The following ABL1 variants were observed in gnomAD, a reference collection of about 807,000 sequenced individuals.
ABL1 encodes the protein ABL proto-oncogene 1, non-receptor tyrosine kinase.
A neutral mutation model predicts 94.7 loss-of-function variants in ABL1; 11 were observed. The ratio of observed to expected loss-of-function variants is 0.12; its 90% confidence interval spans 0.07 to 0.19. The LOEUF (loss-of-function observed/expected upper bound fraction) is 0.19, where lower values mean the gene tolerates loss of function less well. Among genes scored for constraint, ABL1 ranks in the 10% least tolerant of loss-of-function variants. The pLI is 1.00. For synonymous variants in ABL1, 656 were observed against 622.4 expected, an observed-to-expected ratio of 1.05 and a Z score of -0.80; for missense variants, 1,082 against 1,489.4, an observed-to-expected ratio of 0.73 and a Z score of 4.50.
intron 1 of ABL1, among the ~76,000 whole-genome samples, chr9:130,758,484 A>C (rs996965518): frequency 4.2e-5 from 6 of 143,532 alleles, no homozygotes; most frequent in African/African-American, 1.6e-4. Context: ...TCAGGCTGGA[A>C]TGCAGTGGCG....
At chr9:130,714,632 T>C (rs929878705) in intron 1 of ABL1, 2 of 822,834 alleles carry the variant, frequency 2.4e-6, no homozygotes, top group Non-Finnish European at 4.1e-6. Flanking sequence ...ACTTCGTGAC[T>C]TCGGCTTTAT....
chr9:130,838,674 C>T (rs976172274), intron 1 of ABL1, among the ~76,000 whole-genome samples: 4 of 152,182 alleles, frequency 2.6e-5, no homozygotes, highest in East Asian at 1.9e-4. Context: ...TTGCAATATT[C>T]GGTCTACTTT....
chr9:130,738,803 C>T (rs1311562268), intron 1 of ABL1, among the ~76,000 whole-genome samples: 5 of 152,188 alleles, frequency 3.3e-5, no homozygotes, highest in Non-Finnish European at 4.4e-5. Context: ...TAGTTATTCC[C>T]TCCCCATTCA....
upstream of ABL1, chr9:130,834,972 C>T (rs1830540455): frequency 1.1e-5 from 5 of 452,870 alleles, no homozygotes; most frequent in Non-Finnish European, 2.2e-5. Flanking sequence ...GAGTTGCGCG[C>T]GGCTTCTAAA....
rs1831545301 is a variant in ABL1, at chr9:130,885,024, G to A, written c.2734G>A (p.Gly912Arg). 1.2e-6 allele frequency: 2 copies of A among 1,611,566 alleles called. No individual in the cohort carries two copies. The highest frequency in any genetic ancestry group is 1.7e-6 in the Non-Finnish European group (2 of 1,179,446). ...AGCAGCCTCTGCAGGGAAGGCTGGA[G>A]GAAAGCCCTCGCAGAGCCCGAGCCA... is the stretch of plus-strand genomic sequence containing the variant. ...PPAASAGKAG[G>R]KPSQSPSQEA... Residue 912 changes from glycine (G) to arginine (R), a missense_variant, in exon 11 of 11, where the codon GGA becomes AGA. Physicochemically the swap from Gly to Arg is moderately radical, Grantham distance 125 (BLOSUM62 -2). This residue lies in a region of ABL1 where 780 missense variants were observed against 835.8 expected (regional missense o/e 0.93). Transcript: ENST00000318560.
upstream of ABL1, chr9:130,834,171 A>G (rs1257790733): frequency 2.2e-6 from 1 of 445,058 alleles, no homozygotes; most frequent in East Asian, 7.1e-5. Flanking sequence ...ATCATTACGC[A>G]GATGCAATAC....
At chr9:130,765,647 T>C (rs1284593621) in intron 1 of ABL1, among the ~76,000 whole-genome samples, 1 of 152,224 alleles carries the variant, frequency 6.6e-6, no homozygotes, top group Non-Finnish European at 1.5e-5. Context: ...TCAGTATTCA[T>C]TTCTCTTATA....
At position 130,859,898 on chromosome 9, in the gene ABL1, T is replaced by C. The variant is rs576232761; in HGVS notation, c.550-2865T>C. ...GTTTCACCATGTTGGCCAGGCTGGT[T>C]TCGAACGCCTGACCTCGTGATCTGC... is the stretch of plus-strand genomic sequence containing the variant. On this transcript the variant is annotated intron_variant, in intron 3 of 10. Transcript: ENST00000318560. 2.2e-3 allele frequency among the ~76,000 whole-genome samples: 336 copies of C among 151,836 alleles called. 3 individuals are homozygous for C. Among genetic ancestry groups the C allele is most frequent in the South Asian group, 9.6e-3 (46 of 4,788 alleles).
At chr9:130,836,824 CA>C (rs565723193) in intron 1 of ABL1, among the ~76,000 whole-genome samples, 2,611 of 77,172 alleles carry the variant, frequency 0.034, 35 homozygotes, top group African/African-American at 0.08. Flanking sequence ...GACTCGGTCT[CA>C]AAAAAAAAAA....
rs1830562759 is a variant in ABL1 at position 130,835,630 on chromosome 9, C to T, written c.79+105C>T. On this transcript the variant is annotated intron_variant, in intron 1 of 10. Transcript: ENST00000318560. This position sits in a 1 kb window ranked among gnomAD's most constrained non-coding sequence, Gnocchi z 4.6. ...CCGCGCGCTCCCGCCTGCGCCCTCC[C>T]CGGGTCTTGTCTTTTTTTTCTTTCT... 3.7e-6 allele frequency: 3 copies of T among 820,280 alleles called. No individual in the cohort carries two copies. The allele number at this position is 820,280 out of a possible 1,614,324, so 50.8% of individuals were successfully genotyped here.
intron 1 of ABL1, among the ~76,000 whole-genome samples, chr9:130,845,614 T>A (rs1830755747): frequency 6.6e-6 from 1 of 152,132 alleles, no homozygotes. Flanking sequence ...GTGTTTGATA[T>A]CAGGTGACGG....
chr9:130,853,630 G>A (rs1352121153), intron 1 of ABL1, among the ~76,000 whole-genome samples: 2 of 151,846 alleles, frequency 1.3e-5, no homozygotes, highest in Non-Finnish European at 2.9e-5. Context: ...GGTCAAGTTG[G>A]TCTCAAACTC....
At chr9:130,719,404 C>T (rs1358858783) in intron 1 of ABL1, among the ~76,000 whole-genome samples, 1 of 152,074 alleles carries the variant, frequency 6.6e-6, no homozygotes, top group Admixed American at 6.6e-5. Context: ...TTGCAGGTGC[C>T]TGTAGTCCCA....
At chr9:130,825,007 A>AG (rs1830406972) in intron 1 of ABL1, among the ~76,000 whole-genome samples, 1 of 152,242 alleles carries the variant, frequency 6.6e-6, no homozygotes. Context: ...ATTGGTACTG[A>AG]ATGGTTTGAA....
intron 1 of ABL1, among the ~76,000 whole-genome samples, chr9:130,720,321 G>A (rs754075624): frequency 1.3e-5 from 2 of 152,166 alleles, no homozygotes; most frequent in Non-Finnish European, 2.9e-5. Context: ...TTTAGTTAGG[G>A]TGGCTAGAGA....
chr9:130,752,765 C>T (rs1831982186), intron 1 of ABL1, among the ~76,000 whole-genome samples: 1 of 151,012 alleles, frequency 6.6e-6, no homozygotes, highest in Admixed American at 6.6e-5. Flanking sequence ...TTGAGACCAG[C>T]CATGGCCAAC....
chr9:130,867,957 TG>T (rs1156628907), intron 4 of ABL1, among the ~76,000 whole-genome samples: 1 of 151,616 alleles, frequency 6.6e-6, no homozygotes, highest in African/African-American at 2.4e-5. Flanking sequence ...TTTTGCTTTT[TG>T]TTTTTGTTTT....
intron 1 of ABL1, among the ~76,000 whole-genome samples, chr9:130,825,609 A>G (rs1830415391): frequency 6.6e-6 from 1 of 152,156 alleles, no homozygotes; most frequent in African/African-American, 2.4e-5. Context: ...TAACATTGCT[A>G]TTTTTGATGT....
chr9:130,732,240 G>A (rs147710928), intron 1 of ABL1, among the ~76,000 whole-genome samples: 22 of 152,226 alleles, frequency 1.4e-4, no homozygotes, highest in Admixed American at 5.2e-4. Flanking sequence ...GGGTAAGAGA[G>A]CCAGGAACAA....
Sources: allele counts gnomAD v4.1 joint callset (sites outside exome capture counted in the v4.1 genomes callset), GRCh38; gene constraint gnomAD v4.1.1; regional missense constraint gnomAD v4.1.1; non-coding constraint Gnocchi (gnomAD v3.1); transcripts MANE v1.5; gene names NCBI Gene and HGNC (gene_info 2026-07-23, HGNC 2026-07-21).